The following ITPR1 variants were observed in gnomAD, a reference collection of about 807,000 sequenced individuals.
ITPR1 encodes the protein inositol 1,4,5-trisphosphate-gated calcium channel ITPR1.
Under a neutral mutation model 318.4 loss-of-function variants are expected in ITPR1, and 96 were observed. That is an observed-to-expected ratio of 0.30 (90% confidence interval 0.26 to 0.36). The LOEUF (loss-of-function observed/expected upper bound fraction) is 0.36, where lower values mean the gene tolerates loss of function less well. Among genes scored for constraint, ITPR1 ranks in the 10% least tolerant of loss-of-function variants. ITPR1 has a pLI of 1.00. For missense variants in ITPR1, 2,440 were observed against 3,460.2 expected (o/e 0.71, Z 7.40); for synonymous variants, 1,312 against 1,289.9 (o/e 1.02, Z -0.37).
At chr3:4,830,832 G>A in intron 60 of ITPR1, 1 of 432,474 alleles carries the variant, frequency 2.3e-6, no homozygotes, top group Admixed American at 2.6e-5. Context: ...TCTCCCCCAT[G>A]ACCCTTTCTT....
At chr3:4,638,057 G>A (rs2093242879) in intron 5 of ITPR1, among the ~76,000 whole-genome samples, 1 of 152,072 alleles carries the variant, frequency 6.6e-6, no homozygotes, top group African/African-American at 2.4e-5. Context: ...AGGCTTGGTG[G>A]GATTCAGTAA....
At chr3:4,561,030 T>A (rs945335045) in intron 4 of ITPR1, among the ~76,000 whole-genome samples, 1 of 152,218 alleles carries the variant, frequency 6.6e-6, no homozygotes, top group African/African-American at 2.4e-5. Context: ...TTGATTCTGC[T>A]GGAGATGTCC....
intron 5 of ITPR1, among the ~76,000 whole-genome samples, chr3:4,634,862 C>T (rs1274713701): frequency 1.3e-5 from 2 of 152,168 alleles, no homozygotes; most frequent in African/African-American, 4.8e-5. Context: ...CCTCAGCTTC[C>T]TGAGTAGCTG....
In ITPR1 at chr3:4,592,393, C is replaced by T. The variant is rs370852899; in HGVS notation, c.164-35370C>T. On this transcript the variant is annotated intron_variant, in intron 4 of 61. Coordinates refer to ENST00000649015, the MANE Select transcript of ITPR1 (RefSeq NM_001378452.1). ...TTTTGCTCATGAAGTATAAAATATA[C>T]GGTCTTTCATCTATCGTGAGACCAT... Among the ~76,000 whole-genome samples the T allele has an allele frequency of 3.5e-4, 54 of 152,282 alleles. No homozygotes were observed. In the South Asian group the frequency reaches 7.2e-3, roughly 20 times the overall value.
At chr3:4,632,118 A>G (rs1354818386) in intron 5 of ITPR1, among the ~76,000 whole-genome samples, 1 of 152,184 alleles carries the variant, frequency 6.6e-6, no homozygotes, top group African/African-American at 2.4e-5. Flanking sequence ...CACTGCAGCA[A>G]TCCATAATCT....
intron 19 of ITPR1, 85 bp from the exon 20 acceptor site, chr3:4,670,644 C>G: frequency 2.0e-6 from 2 of 1,006,262 alleles, no homozygotes; most frequent in African/African-American, 1.6e-5. Context: ...AAGTGTCTTT[C>G]CATGTGTCTT....
At chr3:4,620,242 C>T (rs2686608) in intron 4 of ITPR1, among the ~76,000 whole-genome samples, 4,450 of 152,284 alleles carry the variant, frequency 0.029, 244 homozygotes, top group African/African-American at 0.1. Flanking sequence ...ACTTCTATTT[C>T]TCCTCCTCAG....
chr3:4,734,579 G>A (rs2043146505), intron 43 of ITPR1, among the ~76,000 whole-genome samples: 1 of 152,232 alleles, frequency 6.6e-6, no homozygotes, highest in Non-Finnish European at 1.5e-5. Context: ...CCCAAACACA[G>A]TCAGAATCCA....
At chr3:4,607,112 G>A (rs976127711) in intron 4 of ITPR1, among the ~76,000 whole-genome samples, 6 of 152,102 alleles carry the variant, frequency 3.9e-5, no homozygotes, top group South Asian at 4.1e-4. Flanking sequence ...GATGTGTCCC[G>A]TCAGCACTTG....
chr3:4,526,521 A>G (rs920992067), intron 4 of ITPR1, among the ~76,000 whole-genome samples: 1 of 152,102 alleles, frequency 6.6e-6, no homozygotes, highest in Non-Finnish European at 1.5e-5. Context: ...GATGAGTTAC[A>G]CTCCTTCTTG....
intron 51 of ITPR1, among the ~76,000 whole-genome samples, chr3:4,784,489 G>T (rs771135718): frequency 4.0e-5 from 6 of 151,886 alleles, no homozygotes; most frequent in Non-Finnish European, 8.8e-5. Context: ...GAGAAGTCTG[G>T]GCTGCATCCC....
intron 38 of ITPR1, among the ~76,000 whole-genome samples, chr3:4,711,210 C>CAAAA (rs1169754547): frequency 2.4e-4 from 14 of 57,854 alleles, no homozygotes; most frequent in African/African-American, 3.9e-4. Context: ...GACCTTGTCT[C>CAAAA]AAAAAAAAAA....
intron 2 of ITPR1, among the ~76,000 whole-genome samples, chr3:4,497,019 AT>A (rs2080635270): frequency 6.6e-6 from 1 of 151,490 alleles, no homozygotes; most frequent in African/African-American, 2.4e-5. Context: ...AATAAAACAC[AT>A]TGCATTTGCA....
chr3:4,743,812 GAA>G (rs2043876416), intron 44 of ITPR1, among the ~76,000 whole-genome samples: 1 of 152,124 alleles, frequency 6.6e-6, no homozygotes. Flanking sequence ...CTAGAAGCAG[GAA>G]TTTGTTTCTT....
chr3:4,704,100 G>A (rs1478823370), intron 36 of ITPR1, among the ~76,000 whole-genome samples: 1 of 152,084 alleles, frequency 6.6e-6, no homozygotes, highest in Non-Finnish European at 1.5e-5. Context: ...AGGGGTAAAG[G>A]GGGAAAAGCG....
At chr3:4,825,765 T>C (rs966743620) in intron 60 of ITPR1, 1 of 456,734 alleles carries the variant, frequency 2.2e-6, no homozygotes, top group Non-Finnish European at 4.4e-6. Flanking sequence ...AGAGAGAGCC[T>C]GTGAAATCTG....
chr3:4,815,004 C>CAA, intron 58 of ITPR1, 49 bp from the exon 59 acceptor site: 1 of 1,509,590 alleles, frequency 6.6e-7, no homozygotes, highest in South Asian at 1.3e-5. Flanking sequence ...CTCCGCAGAC[C>CAA]AAAGGGTCGC....
Position 4,710,318 on chromosome 3 carries a change from GT to G in ITPR1, c.4843-3del. 6.5e-7 allele frequency: 1 copy of G among 1,544,124 alleles called. No homozygotes were observed. On this transcript the variant is annotated splice_polypyrimidine_tract_variant and splice_region_variant and intron_variant, in intron 37 of 61. Coordinates refer to ENST00000649015, the MANE Select transcript of ITPR1 (RefSeq NM_001378452.1). This position sits in a 1 kb window ranked among gnomAD's most constrained non-coding sequence, Gnocchi z 4.2. ...AGCCGTTGACTGAGGCTGTGTTTCC[GT>G]TTTAGGACATCGTCTCCGCGCTGGA...
intron 49 of ITPR1, among the ~76,000 whole-genome samples, chr3:4,781,076 CG>C (rs1559884135): frequency 3.3e-5 from 5 of 152,218 alleles, no homozygotes; most frequent in Non-Finnish European, 5.9e-5. Flanking sequence ...GGCCTCAAAT[CG>C]CATGTAACAT....
Sources: allele counts gnomAD v4.1 joint callset (sites outside exome capture counted in the v4.1 genomes callset), GRCh38; gene constraint gnomAD v4.1.1; non-coding constraint Gnocchi (gnomAD v3.1); transcripts MANE v1.5; gene names NCBI Gene and HGNC (gene_info 2026-07-23, HGNC 2026-07-21).